Variants in ACACA observed in about 807,000 individuals in gnomAD.
ACACA encodes acetyl-CoA carboxylase 1.
In ACACA, 103 loss-of-function variants were observed where a neutral mutation model predicts 296.1. The ratio of observed to expected loss-of-function variants is 0.35; its 90% CI spans 0.30 to 0.41. The LOEUF (loss-of-function observed/expected upper bound fraction) is 0.41, where lower values mean the gene tolerates loss of function less well. Ranked by LOEUF, ACACA falls within the 10% of genes least tolerant of loss-of-function variation. The pLI, the probability that ACACA is intolerant of heterozygous loss-of-function variation, is 1.00. For missense variants in ACACA, 1,554 were observed against 2,989.7 expected (o/e 0.52, Z 11.20); for synonymous variants, 953 against 1,038.6 (o/e 0.92, Z 1.58).
chr17:37,231,218 T>TAA (rs777551834), intron 25 of ACACA, among the ~76,000 whole-genome samples: 20 of 127,826 alleles, frequency 1.6e-4, no homozygotes, highest in South Asian at 1.0e-3. Context: ...ATCTTTAATT[T>TAA]AAAAAAAAAA....
intron 23 of ACACA, among the ~76,000 whole-genome samples, chr17:37,241,073 T>C (rs2080372967): frequency 6.6e-6 from 1 of 152,032 alleles, no homozygotes; most frequent in Admixed American, 6.6e-5. Context: ...CATGTGACTG[T>C]AGTCCCAGCT....
intron 4 of ACACA, among the ~76,000 whole-genome samples, chr17:37,284,372 C>T (rs1307197944): frequency 6.6e-6 from 1 of 152,184 alleles, no homozygotes; most frequent in Non-Finnish European, 1.5e-5. Context: ...CCCACCAGCA[C>T]CCACAAGCTA....
At chr17:37,102,129 G>A (rs185243852) in intron 52 of ACACA, among the ~76,000 whole-genome samples, 1 of 151,962 alleles carries the variant, frequency 6.6e-6, no homozygotes, top group Non-Finnish European at 1.5e-5. Context: ...TTTATGCCAG[G>A]GTGTCTATTT....
chr17:37,350,570 T>G (rs2048853028), intron 1 of ACACA, among the ~76,000 whole-genome samples: 1 of 152,170 alleles, frequency 6.6e-6, no homozygotes, highest in African/African-American at 2.4e-5. Flanking sequence ...CTGGGCGTGG[T>G]GGTTCGCACC....
chr17:37,390,334 A>ATATATCTAT (rs2050822111), intron 1 of ACACA, among the ~76,000 whole-genome samples: 3 of 93,422 alleles, frequency 3.2e-5, no homozygotes, highest in African/African-American at 1.4e-4. Context: ...ATATATATAT[A>ATATATCTAT]AAAGGCCAGC....
intron 33 of ACACA, among the ~76,000 whole-genome samples, 162 bp from the exon 34 acceptor site, chr17:37,200,645 T>G (rs1203928164): frequency 1.3e-5 from 2 of 152,194 alleles, no homozygotes; most frequent in African/African-American, 2.4e-5. Context: ...CAAATTTCAA[T>G]CTGGCTCCTA....
intron 41 of ACACA, among the ~76,000 whole-genome samples, chr17:37,163,460 A>G (rs2076547079): frequency 6.6e-6 from 1 of 152,172 alleles, no homozygotes; most frequent in African/African-American, 2.4e-5. Context: ...TTATAGCAAC[A>G]CAAATGGACT....
chr17:37,274,099 T>C (rs2082175278), intron 9 of ACACA, 94 bp downstream of exon 9: 1 of 1,025,214 alleles, frequency 9.8e-7, no homozygotes, highest in Non-Finnish European at 1.6e-6. Context: ...TAACACCACC[T>C]TGGGTATATA....
intron 45 of ACACA, among the ~76,000 whole-genome samples, chr17:37,136,866 C>T (rs1449560391): frequency 3.3e-5 from 5 of 151,938 alleles, no homozygotes; most frequent in Admixed American, 3.3e-4. Flanking sequence ...TCGCTTGAAC[C>T]CGGGAGGTGG....
intron 1 of ACACA, among the ~76,000 whole-genome samples, chr17:37,363,331 T>TCC (rs2049487574): frequency 6.6e-6 from 1 of 151,698 alleles, no homozygotes; most frequent in Non-Finnish European, 1.5e-5. Flanking sequence ...TACTGGCGCG[T>TCC]GCCACCATGC....
Position 37,085,983 on chromosome 17 carries a change from C to T in ACACA, c.*1333G>A, listed in dbSNP as rs2072171578. Reference sequence around the variant, plus strand: ...TTAGGAACAGAGGAATCAGTAAGTTCTTTTCTTGAATAAACTAGTTGTTGA... The same window carrying T: ...TTAGGAACAGAGGAATCAGTAAGTTTTTTTCTTGAATAAACTAGTTGTTGA... On this transcript the variant is annotated 3_prime_UTR_variant, in exon 56 of 56. Transcript: ENST00000616317. 5.0e-6 allele frequency: 2 copies of T among 397,596 alleles called. No homozygotes were observed. Among genetic ancestry groups the T allele is most frequent in the African/African-American group, 2.1e-5 (1 of 48,756 alleles). The allele number at this position is 397,596 out of a possible 1,614,324, so 24.6% of individuals were successfully genotyped here.
chr17:37,280,098 T>C (rs910557633), intron 5 of ACACA, among the ~76,000 whole-genome samples: 4 of 152,170 alleles, frequency 2.6e-5, no homozygotes, highest in African/African-American at 9.7e-5. Context: ...ACTAGCAACA[T>C]GGGTACCAAA....
At chr17:37,119,781 C>A (rs1306517141) in intron 50 of ACACA, among the ~76,000 whole-genome samples, 1 of 152,184 alleles carries the variant, frequency 6.6e-6, no homozygotes, top group South Asian at 2.1e-4. Context: ...CAGGCATTTC[C>A]TCCCTCATAG....
chr17:37,341,283 A>T (rs1008977055), intron 1 of ACACA, among the ~76,000 whole-genome samples: 1 of 152,234 alleles, frequency 6.6e-6, no homozygotes, highest in Admixed American at 6.5e-5. Context: ...AATAAGATAG[A>T]AAATGTTAAG....
At chr17:37,243,340 A>C in intron 22 of ACACA, 31 bp downstream of exon 22, 1 of 1,604,598 alleles carries the variant, frequency 6.2e-7, no homozygotes, top group African/African-American at 1.3e-5. Context: ...ATTGGTAGCC[A>C]GAAAAAAATA....
intron 3 of ACACA, among the ~76,000 whole-genome samples, chr17:37,311,651 T>C (rs1175114620): frequency 6.6e-6 from 1 of 152,054 alleles, no homozygotes. Context: ...GAAATTACTG[T>C]TGCAGAAAAT....
At chr17:37,147,505 G>C (rs1359579982) in intron 45 of ACACA, among the ~76,000 whole-genome samples, 1 of 152,144 alleles carries the variant, frequency 6.6e-6, no homozygotes, top group Admixed American at 6.5e-5. Flanking sequence ...ACACACAGAA[G>C]GAGTGAGTCA....
intron 47 of ACACA, among the ~76,000 whole-genome samples, chr17:37,128,267 C>T (rs117847539): frequency 1.3e-5 from 2 of 152,100 alleles, no homozygotes; most frequent in East Asian, 1.9e-4. Flanking sequence ...TGACCTTGTA[C>T]GAATCACTCA....
At chr17:37,094,813 GA>G (rs1042956811) in intron 54 of ACACA, among the ~76,000 whole-genome samples, 5 of 152,240 alleles carry the variant, frequency 3.3e-5, no homozygotes, top group Non-Finnish European at 1.5e-5. Flanking sequence ...TCCTCTCAGA[GA>G]ACTCAGGAGA....
Sources: allele counts gnomAD v4.1 joint callset (sites outside exome capture counted in the v4.1 genomes callset), GRCh38; gene constraint gnomAD v4.1.1; transcripts MANE v1.5; gene names NCBI Gene and HGNC (gene_info 2026-07-23, HGNC 2026-07-21).